BMS1: variants seen among roughly 807,000 people sequenced by gnomAD.
The protein encoded by BMS1 is BMS1 ribosome biogenesis factor, also known as ribosome biogenesis protein BMS1 homolog.
BMS1 carries 53 observed loss-of-function variants against 138.7 expected under a neutral mutation model. That is an observed-to-expected ratio of 0.38 (90% CI 0.31 to 0.48). The LOEUF is 0.48. Among genes scored for constraint, BMS1 ranks in the 20% least tolerant of loss-of-function variants. BMS1 has a pLI of 0.97. For synonymous variants in BMS1, 504 were observed against 539.9 expected (o/e 0.93, Z 0.92); for missense variants, 1,360 against 1,565.5 (o/e 0.87, Z 2.22).
chr10:42,783,377 G>GCAGC (rs1841220299), intron 1 of BMS1, among the ~76,000 whole-genome samples: 1 of 152,176 alleles, frequency 6.6e-6, no homozygotes, highest in Non-Finnish European at 1.5e-5. Context: ...AGCACCCTGT[G>GCAGC]CAGCCTTCCA....
intron 9 of BMS1, among the ~76,000 whole-genome samples, chr10:42,795,857 A>T (rs963022995): frequency 2.0e-5 from 3 of 152,114 alleles, no homozygotes; most frequent in Non-Finnish European, 4.4e-5. Flanking sequence ...ATTTTTAACA[A>T]AGAGCTTTCT....
chr10:42,816,524 G>A (rs1221876236), intron 13 of BMS1, 75 bp from the exon 14 acceptor site: 5 of 1,218,804 alleles, frequency 4.1e-6, no homozygotes, highest in Non-Finnish European at 4.7e-6. Context: ...AGCACACTGT[G>A]GGCCTGTGGT....
chr10:42,799,955 T>C (rs1244374863), intron 12 of BMS1, among the ~76,000 whole-genome samples: 2 of 152,188 alleles, frequency 1.3e-5, no homozygotes, highest in Non-Finnish European at 2.9e-5. Context: ...GTCTGTAGAG[T>C]TTCTTGTATT....
In BMS1 at chr10:42,823,844, A is replaced by G; in HGVS notation, c.3456+60A>G. The G allele has an allele frequency of 5.3e-6, 7 of 1,311,792 alleles. No individual in the cohort carries two copies. In the South Asian group the frequency reaches 1.0e-4, roughly 19 times the overall value. The allele number at this position is 1,311,792 out of a possible 1,614,324, so 81.3% of individuals were successfully genotyped here. On this transcript the variant is annotated intron_variant, in intron 21 of 22. Transcript: ENST00000374518. ...CTGTGCTCTACAGACAGGGAGTCAC[A>G]CAGACACTTTTCTATAATTTCTTAC... is the stretch of plus-strand genomic sequence containing the variant.
intron 15 of BMS1, among the ~76,000 whole-genome samples, chr10:42,820,022 C>T (rs539759568): frequency 5.1e-4 from 78 of 152,220 alleles, no homozygotes; most frequent in African/African-American, 1.6e-3. Flanking sequence ...AAACTCCTGA[C>T]CTCATGTGAT....
intron 3 of BMS1, 95 bp from the exon 4 acceptor site, chr10:42,787,073 T>C (rs1841357799): frequency 4.7e-6 from 4 of 852,474 alleles, no homozygotes; most frequent in Non-Finnish European, 5.9e-6. Flanking sequence ...ATATGATGTT[T>C]TACTGGATGC....
intron 21 of BMS1, among the ~76,000 whole-genome samples, chr10:42,825,912 A>G (rs1842624987): frequency 1.3e-5 from 2 of 152,168 alleles, no homozygotes; most frequent in Non-Finnish European, 2.9e-5. Context: ...TTTTTCATAA[A>G]TGGGCTTTAT....
intron 15 of BMS1, among the ~76,000 whole-genome samples, chr10:42,818,347 A>G (rs1842408608): frequency 6.6e-6 from 1 of 152,214 alleles, no homozygotes; most frequent in South Asian, 2.1e-4. Context: ...GGGCCATTGG[A>G]AAAGACTGAA....
At chr10:42,822,788 G>A (rs1035637712) in intron 19 of BMS1, among the ~76,000 whole-genome samples, 4 of 152,190 alleles carry the variant, frequency 2.6e-5, no homozygotes, top group Admixed American at 6.5e-5. Flanking sequence ...CTGAGTAAAA[G>A]CATCTGGGCT....
chr10:42,811,827 C>T (rs1237129354), intron 13 of BMS1, among the ~76,000 whole-genome samples: 4 of 152,132 alleles, frequency 2.6e-5, no homozygotes, highest in Non-Finnish European at 5.9e-5. Flanking sequence ...CCCGGCCTCA[C>T]GTGTTGTATT....
At chr10:42,797,611 G>T in intron 11 of BMS1, 88 bp downstream of exon 11, 4 of 1,280,270 alleles carry the variant, frequency 3.1e-6, no homozygotes, top group South Asian at 2.5e-5. Flanking sequence ...GGCTGGTATT[G>T]TTGACATCCA....
intron 13 of BMS1, among the ~76,000 whole-genome samples, chr10:42,806,415 T>G (rs1842011168): frequency 6.6e-6 from 1 of 152,208 alleles, no homozygotes; most frequent in African/African-American, 2.4e-5. Context: ...TTTGTCCTGA[T>G]TTTGCTTATT....
intron 21 of BMS1, among the ~76,000 whole-genome samples, chr10:42,824,557 A>G (rs10793638): frequency 0.37 from 56,468 of 151,996 alleles, 11,205 homozygotes; most frequent in East Asian, 0.63. Context: ...ATTATTGCTA[A>G]GGCCAACGTC....
intron 1 of BMS1, among the ~76,000 whole-genome samples, 181 bp downstream of exon 1, chr10:42,783,011 A>G (rs532655376): frequency 6.6e-6 from 1 of 152,054 alleles, no homozygotes; most frequent in Non-Finnish European, 1.5e-5. Context: ...GAGTGACGTG[A>G]TGAATCCCTG....
At chr10:42,811,080 T>C (rs1842161595) in intron 13 of BMS1, among the ~76,000 whole-genome samples, 1 of 152,188 alleles carries the variant, frequency 6.6e-6, no homozygotes, top group East Asian at 1.9e-4. Flanking sequence ...TTCACTCTTC[T>C]TGCCCAGGCT....
At chr10:42,828,600 A>G (rs1238608630) in intron 21 of BMS1, among the ~76,000 whole-genome samples, 1 of 150,068 alleles carries the variant, frequency 6.7e-6, no homozygotes, top group African/African-American at 2.4e-5. Flanking sequence ...CTTGCTGACA[A>G]TTGGCCTCTT....
rs368717100 is a variant in BMS1 at position 42,792,468 on chromosome 10, G to C, written c.780-25G>C. On this transcript the variant is annotated intron_variant, in intron 6 of 22. Coordinates refer to ENST00000374518, the MANE Select transcript of BMS1 (RefSeq NM_014753.4). ...ATAGGAACTTTTGGCATTCATTTCT[G>C]CTGTGATTGAATTTATTTTTCTAGG... 10 of 1,609,446 alleles carry C rather than the reference G, an allele frequency of 6.2e-6. No homozygotes were observed. The African/African-American group carries it at 1.2e-4, about 19-fold the overall frequency.
At chr10:42,806,787 T>C (rs1842023608) in intron 13 of BMS1, among the ~76,000 whole-genome samples, 2 of 149,428 alleles carry the variant, frequency 1.3e-5, no homozygotes, top group South Asian at 4.3e-4. Context: ...AAAAGAAAAG[T>C]TTGTGGTGTG....
intron 13 of BMS1, among the ~76,000 whole-genome samples, chr10:42,812,864 T>G (rs1279695609): frequency 6.6e-6 from 1 of 152,170 alleles, no homozygotes; most frequent in Non-Finnish European, 1.5e-5. Context: ...TAGGCTGAGG[T>G]GCAACCGTTC....
Sources: allele counts gnomAD v4.1 joint callset (sites outside exome capture counted in the v4.1 genomes callset), GRCh38; gene constraint gnomAD v4.1.1; transcripts MANE v1.5; gene names NCBI Gene and HGNC (gene_info 2026-07-23, HGNC 2026-07-21).